Variants in AFAP1 observed in about 807,000 individuals in gnomAD.
The protein encoded by AFAP1 is actin filament-associated protein 1.
Under a neutral mutation model 93.9 loss-of-function variants are expected in AFAP1, and 75 were observed. The ratio of observed to expected loss-of-function variants is 0.80; its 90% CI spans 0.66 to 0.97. AFAP1 has a LOEUF of 0.97. AFAP1 is among the 50% of genes least tolerant of loss of function. AFAP1 has a pLI of 0.00. For missense variants in AFAP1, 1,201 were observed against 1,050.8 expected (o/e 1.14, Z -1.98); for synonymous variants, 517 against 430.7 (o/e 1.20, Z -2.48).
At chr4:7,854,898 G>A (rs1416350034) in intron 4 of AFAP1, among the ~76,000 whole-genome samples, 1 of 152,184 alleles carries the variant, frequency 6.6e-6, no homozygotes, top group East Asian at 1.9e-4. Flanking sequence ...TTGAAGCTGG[G>A]TAGTAACAAA....
intron 12 of AFAP1, among the ~76,000 whole-genome samples, chr4:7,782,297 G>C (rs1716856364): frequency 6.6e-6 from 1 of 152,248 alleles, no homozygotes; most frequent in East Asian, 1.9e-4. Context: ...GGGGACATGA[G>C]ACCACCTGCA....
At chr4:7,783,777 G>A (rs1367121508) in intron 12 of AFAP1, among the ~76,000 whole-genome samples, 1 of 152,230 alleles carries the variant, frequency 6.6e-6, no homozygotes, top group Non-Finnish European at 1.5e-5. Context: ...GTTCCACAGG[G>A]TGAAGACAGC....
At chr4:7,863,712 T>C (rs1259031357) in intron 3 of AFAP1, among the ~76,000 whole-genome samples, 1 of 152,060 alleles carries the variant, frequency 6.6e-6, no homozygotes, top group African/African-American at 2.4e-5. Context: ...TTATTAACTA[T>C]TGAATAAAGG....
intron 16 of AFAP1, 76 bp downstream of exon 16, chr4:7,772,744 C>T (rs1715605427): frequency 1.4e-6 from 2 of 1,429,870 alleles, no homozygotes; most frequent in Admixed American, 1.9e-5. Context: ...AGCCACTCCA[C>T]ATTCTCTCTG....
chr4:7,922,037 C>T (rs929254360), intron 1 of AFAP1, among the ~76,000 whole-genome samples: 2 of 152,094 alleles, frequency 1.3e-5, no homozygotes, highest in Non-Finnish European at 2.9e-5. Flanking sequence ...GCAGCAGAAT[C>T]GCTTGAACCC....
At chr4:7,858,724 T>G (rs939734408) in intron 3 of AFAP1, among the ~76,000 whole-genome samples, 2 of 152,192 alleles carry the variant, frequency 1.3e-5, no homozygotes, top group Non-Finnish European at 2.9e-5. Context: ...GGCTTGTTCC[T>G]GCACCTCTGC....
At chr4:7,848,915 C>T (rs556739727) in intron 4 of AFAP1, among the ~76,000 whole-genome samples, 1 of 152,332 alleles carries the variant, frequency 6.6e-6, no homozygotes, top group South Asian at 2.1e-4. Flanking sequence ...CAGAAAAAAA[C>T]TGCATAAAAG....
chr4:7,768,061 C>A (rs1053813154), intron 17 of AFAP1, among the ~76,000 whole-genome samples: 2 of 152,160 alleles, frequency 1.3e-5, no homozygotes, highest in Non-Finnish European at 2.9e-5. Context: ...GGCCAGGGAG[C>A]GAGGCCCTGC....
intron 5 of AFAP1, among the ~76,000 whole-genome samples, chr4:7,842,301 C>CAAAAAAA (rs57050150): frequency 2.1e-5 from 2 of 94,898 alleles, no homozygotes; most frequent in Non-Finnish European, 4.0e-5. Context: ...CCTGGATTTA[C>CAAAAAAA]AAAAAAAAAA....
At chr4:7,842,301 C>CAAAAAAAAAAAAAAAAAAAAAAAAAAA (rs57050150) in intron 5 of AFAP1, among the ~76,000 whole-genome samples, 2 of 94,896 alleles carry the variant, frequency 2.1e-5, no homozygotes, top group Non-Finnish European at 4.0e-5. Context: ...CCTGGATTTA[C>CAAAAAAAAAAAAAAAAAAAAAAAAAAA]AAAAAAAAAA....
intron 1 of AFAP1, among the ~76,000 whole-genome samples, chr4:7,874,457 G>A (rs1168042084): frequency 7.1e-6 from 1 of 141,746 alleles, no homozygotes; most frequent in Non-Finnish European, 1.5e-5. Context: ...TCTGCCTCCT[G>A]GGCTCACGCC....
At chr4:7,935,221 T>C (rs1721306000) in intron 1 of AFAP1, among the ~76,000 whole-genome samples, 1 of 152,212 alleles carries the variant, frequency 6.6e-6, no homozygotes, top group Non-Finnish European at 1.5e-5. Context: ...TGATTTCATT[T>C]GATCCTCAAA....
intron 1 of AFAP1, among the ~76,000 whole-genome samples, chr4:7,910,691 C>T (rs1719676487): frequency 6.6e-6 from 1 of 152,244 alleles, no homozygotes; most frequent in Non-Finnish European, 1.5e-5. Flanking sequence ...CCACAGGCAG[C>T]ACCCAGTCTC....
chr4:7,772,674 T>C, intron 16 of AFAP1, 146 bp downstream of exon 16: 1 of 698,224 alleles, frequency 1.4e-6, no homozygotes, highest in Non-Finnish European at 2.3e-6. Context: ...TGTCTGATGC[T>C]AACACATGAA....
intron 3 of AFAP1, among the ~76,000 whole-genome samples, chr4:7,866,042 AC>A (rs1190772356): frequency 9.3e-5 from 14 of 151,088 alleles, no homozygotes; most frequent in African/African-American, 3.4e-4. Flanking sequence ...GACTACGGGC[AC>A]CCAACACCAT....
At chr4:7,933,803 T>C (rs113917991) in intron 1 of AFAP1, among the ~76,000 whole-genome samples, 3,756 of 152,184 alleles carry the variant, frequency 0.025, 146 homozygotes, top group African/African-American at 0.084. Flanking sequence ...TGGCCAAAAG[T>C]GCTTGGAAAC....
At chr4:7,880,645 G>C (rs1211919983) in intron 1 of AFAP1, among the ~76,000 whole-genome samples, 1 of 152,208 alleles carries the variant, frequency 6.6e-6, no homozygotes, top group Non-Finnish European at 1.5e-5. Flanking sequence ...GAGTCACAAA[G>C]CATTGGTAAA....
At chr4:7,813,213 A>G (rs1348449032) in intron 8 of AFAP1, among the ~76,000 whole-genome samples, 2 of 152,222 alleles carry the variant, frequency 1.3e-5, no homozygotes, top group African/African-American at 4.8e-5. Context: ...GGCTGGGATA[A>G]AAGGAGCTTA....
intron 9 of AFAP1, among the ~76,000 whole-genome samples, chr4:7,805,644 A>G (rs1320391729): frequency 6.6e-6 from 1 of 152,234 alleles, no homozygotes; most frequent in Non-Finnish European, 1.5e-5. Context: ...GGAGCCTGAC[A>G]TCCAGAGGTG....
Sources: gnomAD v4.1 joint callset for allele counts (sites outside exome capture counted in the v4.1 genomes callset) on GRCh38, gnomAD v4.1.1 for gene constraint, MANE v1.5 for transcripts, NCBI Gene and HGNC (gene_info 2026-07-23, HGNC 2026-07-21) for gene names.